Variants in APBA2 observed in about 807,000 individuals in gnomAD.
The protein encoded by APBA2 is amyloid-beta A4 precursor protein-binding family A member 2.
APBA2 carries 30 observed loss-of-function variants against 75.0 expected under a neutral mutation model. That is an observed-to-expected ratio of 0.40 (90% CI 0.30 to 0.54). The LOEUF (loss-of-function observed/expected upper bound fraction) is 0.54, where lower values mean the gene tolerates loss of function less well. APBA2 is among the 20% of genes least tolerant of loss of function. APBA2 has a pLI of 0.49. For missense variants in APBA2, 801 were observed against 1,016.1 expected, an observed-to-expected ratio of 0.79 and a Z score of 2.88; for synonymous variants, 444 against 409.6, an observed-to-expected ratio of 1.08 and a Z score of -1.01.
intron 2 of APBA2, among the ~76,000 whole-genome samples, chr15:28,950,032 C>T (rs1383542902): frequency 6.6e-6 from 1 of 152,114 alleles, no homozygotes; most frequent in Non-Finnish European, 1.5e-5. Flanking sequence ...ACTACGTTAC[C>T]TATAGTCCTT....
intron 6 of APBA2, among the ~76,000 whole-genome samples, chr15:29,077,220 G>T (rs2042889077): frequency 6.6e-6 from 1 of 152,140 alleles, no homozygotes; most frequent in African/African-American, 2.4e-5. Context: ...GATGATTCCT[G>T]GAAGAGACCA....
In APBA2 at chr15:29,055,031, G is replaced by A. The variant is rs557347944; in HGVS notation, c.951+196G>A. Among the ~76,000 whole-genome samples, 20 of 152,288 alleles carry A rather than the reference G, an allele frequency of 1.3e-4. No homozygotes were observed. The South Asian group carries it at 4.0e-3, about 30-fold the overall frequency. ...TGCTCCGGCCACTCTTAAGCTCACC[G>A]CTCAGACTCAGGACTAAAGCCGGTT... On this transcript the variant is annotated intron_variant, in intron 4 of 14. Transcript: ENST00000683413.
intron 2 of APBA2, among the ~76,000 whole-genome samples, chr15:28,926,923 C>T (rs957302944): frequency 8.3e-5 from 12 of 143,952 alleles, no homozygotes; most frequent in Middle Eastern, 3.6e-3. Flanking sequence ...GTGGTGCTAT[C>T]TCGGCTCACT....
chr15:29,117,314 C>G lies in APBA2; in HGVS notation c.*181C>G. 1 of 617,608 alleles carries G rather than the reference C, an allele frequency of 1.6e-6. No homozygotes were observed. The allele number at this position is 617,608 out of a possible 1,614,324, so 38.3% of individuals were successfully genotyped here. A position where few individuals can be genotyped will look rare whatever the true frequency, so the allele number is the denominator to read the frequency against. ...TTCATTTTGCCAAAAAGGGGTATGT[C>G]TTTATCAAAGGAGAGTCACAGAACA... On this transcript the variant is annotated 3_prime_UTR_variant, in exon 15 of 15. Coordinates refer to ENST00000683413, the MANE Select transcript of APBA2 (RefSeq NM_001353788.2).
chr15:28,920,815 A>T (rs113060505), intron 1 of APBA2, among the ~76,000 whole-genome samples: 151 of 152,178 alleles, frequency 9.9e-4, no homozygotes, highest in Non-Finnish European at 1.9e-3. Flanking sequence ...CCCATATCTC[A>T]GTGCTGCCAT....
intron 1 of APBA2, chr15:28,895,519 G>A (rs1191792637): frequency 6.6e-6 from 1 of 152,312 alleles, no homozygotes; most frequent in Non-Finnish European, 1.5e-5. Context: ...TCCCCTTTCA[G>A]GCGGAGGGAG....
chr15:28,926,830 G>GGATTTCAC (rs1395778067), intron 2 of APBA2, among the ~76,000 whole-genome samples: 2 of 150,248 alleles, frequency 1.3e-5, no homozygotes, highest in East Asian at 3.9e-4. Context: ...AAAATTTTAA[G>GGATTTCAC]GATTTCACTC....
chr15:29,054,086 C>G lies in APBA2; in HGVS notation c.202C>G (p.Pro68Ala), dbSNP rs2041748899. Residue 68 changes from proline (P) to alanine (A), a missense_variant, in exon 4 of 15, where the codon CCC (proline) becomes GCC (alanine). By Grantham distance (27) the Pro-to-Ala change is conservative. Coordinates refer to ENST00000683413, the MANE Select transcript of APBA2 (RefSeq NM_001353788.2). The surrounding 1 kb of genome is among the most constrained non-coding windows in gnomAD (Gnocchi z 6.1). ...GGAACAGGAGTGCCACAACCACAGC[C>G]CCGATGGGGACTCCAGCTCTGACTA... ...PEEQECHNHS[P>A]DGDSSSDYVN... 1 of 1,613,952 alleles carries G rather than the reference C, an allele frequency of 6.2e-7. No homozygotes were observed. The highest frequency in any genetic ancestry group is 8.5e-7 in the Non-Finnish European group (1 of 1,180,042).
chr15:29,074,791 G>A (rs2042775850), intron 4 of APBA2, 130 bp from the exon 5 acceptor site: 1 of 745,612 alleles, frequency 1.3e-6, no homozygotes, highest in African/African-American at 1.7e-5. Context: ...ATAGACGTCT[G>A]CACACACACC....
chr15:28,955,574 T>C (rs2036122028), intron 2 of APBA2, among the ~76,000 whole-genome samples: 1 of 152,266 alleles, frequency 6.6e-6, no homozygotes, highest in African/African-American at 2.4e-5. Flanking sequence ...ACCTGCTTTG[T>C]TCAGGGAAAT....
At chr15:28,981,323 A>G (rs1349029771) in intron 2 of APBA2, among the ~76,000 whole-genome samples, 2 of 152,168 alleles carry the variant, frequency 1.3e-5, no homozygotes, top group Non-Finnish European at 2.9e-5. Flanking sequence ...GAACCAAATA[A>G]CCTCGTTAAA....
intron 3 of APBA2, among the ~76,000 whole-genome samples, chr15:29,051,811 G>A (rs2041607595): frequency 6.6e-6 from 1 of 152,006 alleles, no homozygotes; most frequent in Admixed American, 6.6e-5. Context: ...TGAGAGCCCG[G>A]GCAGTGACTG....
At chr15:28,954,463 C>G (rs2036057874) in intron 2 of APBA2, among the ~76,000 whole-genome samples, 1 of 152,178 alleles carries the variant, frequency 6.6e-6, no homozygotes, top group African/African-American at 2.4e-5. Flanking sequence ...CGTGTTGGTT[C>G]CAACGTTCCC....
chr15:29,021,206 G>T (rs905217760), intron 3 of APBA2, among the ~76,000 whole-genome samples: 1 of 152,092 alleles, frequency 6.6e-6, no homozygotes, highest in African/African-American at 2.4e-5. Context: ...TTAATTTTAT[G>T]GTGGGAGAAG....
At chr15:28,932,698 G>C (rs2034626637) in intron 2 of APBA2, among the ~76,000 whole-genome samples, 1 of 152,194 alleles carries the variant, frequency 6.6e-6, no homozygotes, top group African/African-American at 2.4e-5. Context: ...TTTAAAGCCA[G>C]GTCCCATCGT....
intron 2 of APBA2, among the ~76,000 whole-genome samples, chr15:28,925,017 T>C (rs2034184702): frequency 6.6e-6 from 1 of 152,080 alleles, no homozygotes; most frequent in African/African-American, 2.4e-5. Flanking sequence ...AATAGGTTTT[T>C]TGGTAGATGT....
Position 29,053,836 on chromosome 15 carries a change from T to C in APBA2, c.-40-9T>C. 1 of 1,540,392 alleles carries C rather than the reference T, an allele frequency of 6.5e-7. No individual in the cohort carries two copies. On this transcript the variant is annotated splice_polypyrimidine_tract_variant and intron_variant, in intron 3 of 14. Coordinates refer to ENST00000683413, the MANE Select transcript of APBA2 (RefSeq NM_001353788.2). ...TTGACTCTGTCCTTCCCAATGTTCCTCCCCACAGTGGCTGCCTCCGGGTGA... is the reference window on the plus strand; with the variant it reads ...TTGACTCTGTCCTTCCCAATGTTCCCCCCCACAGTGGCTGCCTCCGGGTGA...
At chr15:29,105,264 C>T in intron 10 of APBA2, 115 bp from the exon 11 acceptor site, 1 of 1,042,298 alleles carries the variant, frequency 9.6e-7, no homozygotes, top group Non-Finnish European at 1.4e-6. Flanking sequence ...AGCAAGGGCT[C>T]CCTTGAAGGC....
intron 6 of APBA2, among the ~76,000 whole-genome samples, chr15:29,079,583 A>C (rs1226505011): frequency 6.6e-6 from 1 of 152,116 alleles, no homozygotes; most frequent in Non-Finnish European, 1.5e-5. Flanking sequence ...CAGGTCTGGA[A>C]TCAGCCCTGG....
Sources: allele counts gnomAD v4.1 joint callset (sites outside exome capture counted in the v4.1 genomes callset), GRCh38; gene constraint gnomAD v4.1.1; non-coding constraint Gnocchi (gnomAD v3.1); transcripts MANE v1.5; gene names NCBI Gene and HGNC (gene_info 2026-07-23, HGNC 2026-07-21).